Variants in NT5C1A observed in about 807,000 individuals in gnomAD.
NT5C1A encodes the protein 5'-nucleotidase, cytosolic IA, also known as cytosolic 5'-nucleotidase 1A.
A neutral mutation model predicts 31.0 loss-of-function variants in NT5C1A; 18 were observed. The observed-to-expected ratio is 0.58, with a 90% CI of 0.40 to 0.86. The LOEUF is 0.86. Ranked by LOEUF, NT5C1A falls within the 40% of genes least tolerant of loss-of-function variation. NT5C1A has a pLI of 0.00. For missense variants in NT5C1A, 470 were observed against 505.4 expected (o/e 0.93, Z 0.67); for synonymous variants, 185 against 203.6 (o/e 0.91, Z 0.78).
rs1242078905 is a variant in NT5C1A, at chr1:39,653,555, C to T, written c.*5566G>A. On this transcript the variant is annotated 3_prime_UTR_variant, in exon 6 of 6. Coordinates refer to ENST00000235628, the MANE Select transcript of NT5C1A (RefSeq NM_032526.3). Reference sequence around the variant, plus strand: ...CGGCTCGTCACTCGGGCATATTTAGCAAACATTTCCAGAGCACCTGAAGTC... The same window carrying T: ...CGGCTCGTCACTCGGGCATATTTAGTAAACATTTCCAGAGCACCTGAAGTC... 1.3e-5 allele frequency among the ~76,000 whole-genome samples: 2 copies of T among 152,286 alleles called. No individual in the cohort carries two copies. The highest frequency in any genetic ancestry group is 2.4e-5 in the African/African-American group (1 of 41,576).
At chr1:39,666,032 G>C (rs770361088) in intron 2 of NT5C1A, 37 bp downstream of exon 2, 3 of 1,588,738 alleles carry the variant, frequency 1.9e-6, no homozygotes, top group Non-Finnish European at 1.7e-6. Flanking sequence ...TCCCCACGAA[G>C]GCGCTATATG....
rs1646474566 is a variant in NT5C1A, at chr1:39,658,640, T to A, written c.*481A>T. On this transcript the variant is annotated 3_prime_UTR_variant, in exon 6 of 6. Transcript: ENST00000235628. ...GCGATCTTAAAGAACCAAGCTTCTT[T>A]GGCTAAAAGGGAGCTTGAAAACTGC... is the stretch of plus-strand genomic sequence containing the variant. 6.6e-6 allele frequency among the ~76,000 whole-genome samples: 1 copy of A among 152,222 alleles called. No homozygotes were observed. Among genetic ancestry groups the A allele is most frequent in the African/African-American group, 2.4e-5 (1 of 41,450 alleles).
At chr1:39,664,037 G>C (rs1045636757) in intron 3 of NT5C1A, among the ~76,000 whole-genome samples, 1 of 152,074 alleles carries the variant, frequency 6.6e-6, no homozygotes, top group Non-Finnish European at 1.5e-5. Flanking sequence ...ATATTTTTAC[G>C]ATCAACCCTG....
intron 3 of NT5C1A, among the ~76,000 whole-genome samples, chr1:39,664,492 T>TCTCTTCCCCTCC (rs1553485422): frequency 1.7e-3 from 1 of 606 alleles, no homozygotes; most frequent in African/African-American, 5.6e-3. Flanking sequence ...GGATTTCTCC[T>TCTCTTCCCCTCC]CCTCTCCTCT....
rs191710722 is a variant in NT5C1A at position 39,654,469 on chromosome 1, C to T, written c.*4652G>A. ...AGGCTGATCATTGCCTAAGAGGCCC[C>T]ATGAGGAAATGAGTCGGGAATACAA... is the stretch of plus-strand genomic sequence containing the variant. On this transcript the variant is annotated 3_prime_UTR_variant, in exon 6 of 6. Transcript: ENST00000235628. Among the ~76,000 whole-genome samples, 1 of 152,332 alleles carries T rather than the reference C, an allele frequency of 6.6e-6. No individual in the cohort carries two copies.
At position 39,652,141 on chromosome 1, in the gene NT5C1A, T is replaced by A. The variant is rs767914046; in HGVS notation, c.*6980A>T. On this transcript the variant is annotated 3_prime_UTR_variant, in exon 6 of 6. Coordinates refer to ENST00000235628, the MANE Select transcript of NT5C1A (RefSeq NM_032526.3). ...ATCTCTGAGGTCTCTTAAATATCCA[T>A]CACTGAGAATCTGAGTGTAATATCC... Among the ~76,000 whole-genome samples, 2 of 142,152 alleles carry A rather than the reference T, an allele frequency of 1.4e-5. No individual in the cohort carries two copies. Among genetic ancestry groups the A allele is most frequent in the Non-Finnish European group, 3.0e-5 (2 of 65,600 alleles). The allele number at this position is 142,152 out of a possible 152,430, so 93.3% of individuals were successfully genotyped here. A position where few individuals can be genotyped will look rare whatever the true frequency, so the allele number is the denominator to read the frequency against.
intron 3 of NT5C1A, among the ~76,000 whole-genome samples, chr1:39,664,490 C>CCTGTCTCGTCTCGTCTCCTCTCCT (rs138918376): frequency 3.5e-4 from 1 of 2,894 alleles, no homozygotes; most frequent in East Asian, 7.9e-3. Flanking sequence ...GTGGATTTCT[C>CCTGTCTCGTCTCGTCTCCTCTCCT]CTCCTCTCCT....
rs1646431308 is a variant in NT5C1A at position 39,651,348 on chromosome 1, C to T, written c.*7773G>A. Among the ~76,000 whole-genome samples, 1 of 152,204 alleles carries T rather than the reference C, an allele frequency of 6.6e-6. No homozygotes were observed. The highest frequency in any genetic ancestry group is 3.2e-3 in the Middle Eastern group (1 of 316). On this transcript the variant is annotated 3_prime_UTR_variant, in exon 6 of 6. Coordinates refer to ENST00000235628, the MANE Select transcript of NT5C1A (RefSeq NM_032526.3). ...GGGACCCACACTGGCAAGCACTCAG[C>T]ACCCTTTATCATGTGACCAGGTAAA...
rs780061984 is a variant in NT5C1A at position 39,663,445 on chromosome 1, G to A, written c.434-11C>T. ...TCTCGATGAACAGGTCTGGGAAGGA[G>A]GTAAAGGACCCAGGTGAGGCCAGGG... On this transcript the variant is annotated splice_polypyrimidine_tract_variant and intron_variant, in intron 3 of 5. Transcript: ENST00000235628. 2.5e-6 allele frequency: 4 copies of A among 1,613,744 alleles called. No homozygotes were observed. The highest frequency in any genetic ancestry group is 2.7e-5 in the African/African-American group (2 of 74,918).
intron 1 of NT5C1A, 126 bp from the exon 2 acceptor site, chr1:39,666,362 C>T (rs1002283034): frequency 1.9e-4 from 167 of 899,510 alleles, no homozygotes; most frequent in Non-Finnish European, 2.7e-4. Context: ...CCTAAAGAGG[C>T]CCAGCCTTGA....
Position 39,671,910 on chromosome 1 carries a change from G to A in NT5C1A, c.129C>T (p.Pro43=), listed in dbSNP as rs908162236. 8 of 1,613,380 alleles carry A rather than the reference G, an allele frequency of 5.0e-6. No individual in the cohort carries two copies. The African/African-American group carries it at 9.3e-5, about 19-fold the overall frequency. ...FYDNLAPKKK[P]KSPKPQNAVT... Reference sequence around the variant, plus strand: ...ACCCGTGCATTGCTTTTACCGATTTGGGTTTCTTCTTGGGCGCGAGGTTGT... The same window carrying A: ...ACCCGTGCATTGCTTTTACCGATTTAGGTTTCTTCTTGGGCGCGAGGTTGT... The change falls in exon 1 of 6, where the codon CCC becomes CCT. Residue 43 remains proline (P), a synonymous_variant. Coordinates refer to ENST00000235628, the MANE Select transcript of NT5C1A (RefSeq NM_032526.3).
intron 1 of NT5C1A, among the ~76,000 whole-genome samples, chr1:39,667,702 T>C (rs1439394052): frequency 6.6e-6 from 1 of 152,090 alleles, no homozygotes; most frequent in Non-Finnish European, 1.5e-5. Flanking sequence ...GTGATCCCTG[T>C]CCCCATGGAG....
rs376720882 is a variant in NT5C1A at position 39,656,693 on chromosome 1, C to T, written c.*2428G>A. Among the ~76,000 whole-genome samples, 52 of 152,372 alleles carry T rather than the reference C, an allele frequency of 3.4e-4. No homozygotes were observed. Among genetic ancestry groups the T allele is most frequent in the South Asian group, 1.0e-3 (5 of 4,834 alleles). On this transcript the variant is annotated 3_prime_UTR_variant, in exon 6 of 6. Coordinates refer to ENST00000235628, the MANE Select transcript of NT5C1A (RefSeq NM_032526.3). ...TTCTTAATTAGGTGACATCTGGTGCCGTCCCCAGTGCACAGGTCCACCCTG... is the reference window on the plus strand; with the variant it reads ...TTCTTAATTAGGTGACATCTGGTGCTGTCCCCAGTGCACAGGTCCACCCTG...
At position 39,658,578 on chromosome 1, in the gene NT5C1A, G is replaced by A. The variant is rs1339605169; in HGVS notation, c.*543C>T. 2.0e-5 allele frequency among the ~76,000 whole-genome samples: 3 copies of A among 152,180 alleles called. No individual in the cohort carries two copies. Among genetic ancestry groups the A allele is most frequent in the Non-Finnish European group, 4.4e-5 (3 of 68,036 alleles). The stretch of plus-strand genomic sequence containing the variant: ...TTGCACAAAGGTGCCATACATACCA[G>A]CAGCAGCACTGACACAGAATGCTTC... On this transcript the variant is annotated 3_prime_UTR_variant, in exon 6 of 6. Coordinates refer to ENST00000235628, the MANE Select transcript of NT5C1A (RefSeq NM_032526.3).
At chr1:39,664,844 G>T (rs1646513145) in intron 3 of NT5C1A, among the ~76,000 whole-genome samples, 1 of 151,566 alleles carries the variant, frequency 6.6e-6, no homozygotes, top group South Asian at 2.1e-4. Context: ...CAATTTCAGG[G>T]GAGAGAGGAA....
rs984149130 is a variant in NT5C1A at position 39,651,780 on chromosome 1, A to C, written c.*7341T>G. Among the ~76,000 whole-genome samples, 1 of 152,148 alleles carries C rather than the reference A, an allele frequency of 6.6e-6. No homozygotes were observed. Among genetic ancestry groups the C allele is most frequent in the African/African-American group, 2.4e-5 (1 of 41,436 alleles). ...TGTGGTGGCTCACGCCTGTAATCCCAGCACTTTGGGAGGCAGAGGCTGGTG... is the reference window on the plus strand; with the variant it reads ...TGTGGTGGCTCACGCCTGTAATCCCCGCACTTTGGGAGGCAGAGGCTGGTG... On this transcript the variant is annotated 3_prime_UTR_variant, in exon 6 of 6. Transcript: ENST00000235628.
At position 39,654,290 on chromosome 1, in the gene NT5C1A, G is replaced by C. The variant is rs961729868; in HGVS notation, c.*4831C>G. On this transcript the variant is annotated 3_prime_UTR_variant, in exon 6 of 6. Transcript: ENST00000235628. Reference sequence around the variant, plus strand: ...CACTTGATCAGTAACTTCTGAACCGGCTAAAGTCCTCACGGGACCCTCTTC... The same window carrying C: ...CACTTGATCAGTAACTTCTGAACCGCCTAAAGTCCTCACGGGACCCTCTTC... 2.0e-5 allele frequency among the ~76,000 whole-genome samples: 3 copies of C among 152,216 alleles called. No individual in the cohort carries two copies. The highest frequency in any genetic ancestry group is 7.2e-5 in the African/African-American group (3 of 41,456).
intron 1 of NT5C1A, among the ~76,000 whole-genome samples, chr1:39,668,605 G>T (rs564522730): frequency 3.0e-4 from 46 of 152,270 alleles, no homozygotes; most frequent in Middle Eastern, 3.4e-3. Context: ...CCTCTAGCCT[G>T]GCCTCTATCC....
At position 39,654,376 on chromosome 1, in the gene NT5C1A, G is replaced by C. The variant is rs536001777; in HGVS notation, c.*4745C>G. Among the ~76,000 whole-genome samples the C allele has an allele frequency of 1.3e-5, 2 of 152,314 alleles. No individual in the cohort carries two copies. Among genetic ancestry groups the C allele is most frequent in the South Asian group, 4.1e-4 (2 of 4,822 alleles). ...TGGATGACCTTGTTGGCTCGGAGCTGCTGAAATCAACACTGGGCACTTCAA... is the reference window on the plus strand; with the variant it reads ...TGGATGACCTTGTTGGCTCGGAGCTCCTGAAATCAACACTGGGCACTTCAA... On this transcript the variant is annotated 3_prime_UTR_variant, in exon 6 of 6. Transcript: ENST00000235628.
Sources: gnomAD v4.1 joint callset for allele counts (sites outside exome capture counted in the v4.1 genomes callset) on GRCh38, gnomAD v4.1.1 for gene constraint, MANE v1.5 for transcripts, NCBI Gene and HGNC (gene_info 2026-07-23, HGNC 2026-07-21) for gene names.